Variants in CNTN3 observed in about 807,000 individuals in gnomAD.
CNTN3 encodes the protein contactin-3.
A neutral mutation model predicts 119.1 loss-of-function variants in CNTN3; 60 were observed. The observed-to-expected ratio is 0.50, with a 90% CI of 0.41 to 0.62. CNTN3 has a LOEUF of 0.62. Ranked by LOEUF, CNTN3 falls within the 20% of genes least tolerant of loss-of-function variation. The pLI is 0.00. For synonymous variants in CNTN3, 450 were observed against 438.7 expected (o/e 1.03, Z -0.32); for missense variants, 1,101 against 1,242.4 (o/e 0.89, Z 1.71).
In CNTN3 at chr3:74,295,172, T is replaced by C. The variant is rs752062963; in HGVS notation, c.2466A>G (p.Ser822=). ...NSLSSSEIEV[S]WNTIPWKLSN... is the part of the protein sequence containing the mutation. ...TCAACTTCCAAGGAATGGTGTTCCA[T>C]GAAACCTCAATTTCTGAGGAAGATA... The change falls in exon 19 of 23, where the codon TCA becomes TCG. Residue 822 remains serine (S), a synonymous_variant. Coordinates refer to ENST00000263665, the MANE Select transcript of CNTN3 (RefSeq NM_020872.3). 1.2e-6 allele frequency: 2 copies of C among 1,613,624 alleles called. No individual in the cohort carries two copies. The highest frequency in any genetic ancestry group is 1.7e-6 in the Non-Finnish European group (2 of 1,179,592).
chr3:74,483,892 C>CCAAGAACT (rs1702805952), intron 4 of CNTN3, among the ~76,000 whole-genome samples: 1 of 152,090 alleles, frequency 6.6e-6, no homozygotes, highest in Non-Finnish European at 1.5e-5. Context: ...GAACTAGGGG[C>CCAAGAACT]AGACTGCAAG....
At chr3:74,456,014 A>G (rs9680894) in intron 4 of CNTN3, among the ~76,000 whole-genome samples, 78,066 of 151,864 alleles carry the variant, frequency 0.51, 20,418 homozygotes, top group Non-Finnish European at 0.55. Context: ...TGTGTAAAAA[A>G]TTAGAGCCAG....
chr3:74,361,954 T>G lies in CNTN3; in HGVS notation c.1300A>C (p.Arg434=), dbSNP rs777098885. ...GSLVSLDCKP[R]ASPRALSSWK... is the part of the protein sequence containing the mutation. ...GAAGAGAGTGCCCTTGGGGAGGCTC[T>G]GGGTTTACAATCCAAGCTGACCAGG... Residue 434 remains arginine, a synonymous_variant, in exon 11 of 23, where the codon AGA becomes CGA. Transcript: ENST00000263665. 3 of 1,613,930 alleles carry G rather than the reference T, an allele frequency of 1.9e-6. No individual in the cohort carries two copies. Among genetic ancestry groups the G allele is most frequent in the South Asian group, 1.1e-5 (1 of 91,080 alleles).
intron 19 of CNTN3, among the ~76,000 whole-genome samples, chr3:74,285,837 A>C (rs1440900287): frequency 7.4e-6 from 1 of 135,506 alleles, no homozygotes; most frequent in African/African-American, 2.7e-5. Flanking sequence ...ATATATATAT[A>C]TAAAATTAAA....
chr3:74,285,622 T>C (rs1205227777), intron 19 of CNTN3, 131 bp from the exon 20 acceptor site: 17 of 855,198 alleles, frequency 2.0e-5, no homozygotes, highest in Non-Finnish European at 2.4e-5. Flanking sequence ...AGACCTACTA[T>C]GTGCTAGGTG....
At chr3:74,564,687 A>C (rs1466870244) in intron 1 of CNTN3, among the ~76,000 whole-genome samples, 1 of 151,842 alleles carries the variant, frequency 6.6e-6, no homozygotes, top group Non-Finnish European at 1.5e-5. Context: ...GTTGGTCCTG[A>C]TATTCATGAT....
chr3:74,454,855 TAG>T (rs1386828162), intron 4 of CNTN3, among the ~76,000 whole-genome samples: 2 of 152,188 alleles, frequency 1.3e-5, no homozygotes, highest in African/African-American at 2.4e-5. Context: ...TTCTGGCTTG[TAG>T]AGTTTCTGCC....
chr3:74,465,382 T>C (rs1189645618), intron 4 of CNTN3, among the ~76,000 whole-genome samples: 3 of 152,056 alleles, frequency 2.0e-5, no homozygotes, highest in African/African-American at 7.2e-5. Context: ...AGTGTGGGGA[T>C]TGGTACATGA....
At chr3:74,557,659 C>G (rs1704090821) in intron 1 of CNTN3, among the ~76,000 whole-genome samples, 1 of 149,220 alleles carries the variant, frequency 6.7e-6, no homozygotes, top group Non-Finnish European at 1.5e-5. Flanking sequence ...CAGCCAGACA[C>G]GATTAAGTTT....
At chr3:74,450,892 T>A (rs190218506) in intron 4 of CNTN3, among the ~76,000 whole-genome samples, 2 of 152,212 alleles carry the variant, frequency 1.3e-5, no homozygotes, top group Non-Finnish European at 2.9e-5. Flanking sequence ...CTGTGCCATA[T>A]TTTCTTAATC....
chr3:74,366,780 G>GTATATATATATA (rs59223804), intron 8 of CNTN3, among the ~76,000 whole-genome samples: 981 of 63,654 alleles, frequency 0.015, 43 homozygotes, highest in East Asian at 0.034. Flanking sequence ...GTGTGTGTGT[G>GTATATATATATA]TATATATATA....
At chr3:74,440,980 C>T (rs1484189544) in intron 4 of CNTN3, among the ~76,000 whole-genome samples, 1 of 152,100 alleles carries the variant, frequency 6.6e-6, no homozygotes, top group Non-Finnish European at 1.5e-5. Flanking sequence ...GTCCTGGAAA[C>T]AATCCCCCAT....
chr3:74,589,849 T>C (rs1704668399), intron 1 of CNTN3, among the ~76,000 whole-genome samples: 1 of 149,800 alleles, frequency 6.7e-6, no homozygotes, highest in Non-Finnish European at 1.5e-5. Flanking sequence ...CAGTAAACTA[T>C]CACAAGGACA....
At chr3:74,589,003 C>A (rs1387660740) in intron 1 of CNTN3, among the ~76,000 whole-genome samples, 2 of 151,930 alleles carry the variant, frequency 1.3e-5, no homozygotes, top group East Asian at 3.9e-4. Context: ...CATAAAAACC[C>A]TAGAAGAAAA....
chr3:74,532,017 C>A (rs913226312), intron 1 of CNTN3, among the ~76,000 whole-genome samples: 1 of 151,412 alleles, frequency 6.6e-6, no homozygotes, highest in African/African-American at 2.4e-5. Flanking sequence ...ACAGAAAAAA[C>A]AGGAGAAGGA....
At chr3:74,466,796 T>TA (rs1348264508) in intron 4 of CNTN3, among the ~76,000 whole-genome samples, 1 of 152,034 alleles carries the variant, frequency 6.6e-6, no homozygotes, top group Non-Finnish European at 1.5e-5. Context: ...ATATTAGGAA[T>TA]AAAAAAGATA....
intron 5 of CNTN3, among the ~76,000 whole-genome samples, chr3:74,399,753 T>C (rs1271069520): frequency 2.0e-5 from 3 of 152,198 alleles, no homozygotes; most frequent in Non-Finnish European, 2.9e-5. Context: ...GTAAGTACAC[T>C]GTTGGTGGGA....
chr3:74,414,666 A>G (rs974627295), intron 5 of CNTN3, among the ~76,000 whole-genome samples: 1 of 152,136 alleles, frequency 6.6e-6, no homozygotes, highest in African/African-American at 2.4e-5. Context: ...CCTATGACCA[A>G]AAACACTTGA....
Position 74,369,183 on chromosome 3 carries a change from G to C in CNTN3, c.946+6C>G. On this transcript the variant is annotated splice_donor_region_variant and intron_variant, in intron 8 of 22. Coordinates refer to ENST00000263665, the MANE Select transcript of CNTN3 (RefSeq NM_020872.3). ...AAACTCCAATTTGCCCAAAGCAGAT[G>C]CTCACCATAGTAAGTGAGACGCCCT... The C allele has an allele frequency of 6.3e-7, 1 of 1,580,522 alleles. No individual in the cohort carries two copies. The highest frequency in any genetic ancestry group is 8.6e-7 in the Non-Finnish European group (1 of 1,165,342).
Sources: allele counts gnomAD v4.1 joint callset (sites outside exome capture counted in the v4.1 genomes callset), GRCh38; gene constraint gnomAD v4.1.1; transcripts MANE v1.5; gene names NCBI Gene and HGNC (gene_info 2026-07-23, HGNC 2026-07-21).